DACH2: variants seen among roughly 807,000 people sequenced by gnomAD.
DACH2 encodes the protein dachshund family transcription factor 2.
A neutral mutation model predicts 35.8 loss-of-function variants in DACH2; 17 were observed. That is an observed-to-expected ratio of 0.48 (90% confidence interval 0.33 to 0.71). The LOEUF is 0.71. DACH2 is among the 30% of genes least tolerant of loss of function. The pLI is 0.02. For synonymous variants in DACH2, 195 were observed against 177.3 expected (o/e 1.10, Z -0.79); for missense variants, 469 against 472.7 (o/e 0.99, Z 0.07).
In DACH2 at chrX:86,575,194, T is replaced by C. The variant is rs931091908; in HGVS notation, c.640+60803T>C. 1.8e-5 allele frequency among the ~76,000 whole-genome samples: 2 copies of C among 111,261 alleles called. 1 individual carries two copies. Among genetic ancestry groups the C allele is most frequent in the Admixed American group, 1.9e-4 (2 of 10,417 alleles). On this transcript the variant is annotated intron_variant, in intron 3 of 11. Transcript: ENST00000373125. The stretch of plus-strand genomic sequence containing the variant: ...AGGTAAAAAAATAATCTGTGAAGAC[T>C]GATGCCAACTTTAAACTCTTTCTAT...
In DACH2 at chrX:86,148,839, G is replaced by T; in HGVS notation, c.219G>T (p.Met73Ile). 1 of 1,209,779 alleles carries T rather than the reference G, an allele frequency of 8.3e-7. No individual in the cohort carries two copies. Among genetic ancestry groups the T allele is most frequent in the Non-Finnish European group, 1.1e-6 (1 of 895,260 alleles). Residue 73 changes from methionine (M) to isoleucine (I), a missense_variant, in exon 1 of 12, where the codon ATG becomes ATT. This residue lies in a region of DACH2 where 99 missense variants were observed against 114.3 expected (regional missense o/e 0.87). Transcript: ENST00000373125. Reference protein sequence around the residue: ...TNTNECRMVDMHGMKVASFLM... With the variant: ...TNTNECRMVDIHGMKVASFLM... ...CCAACGAGTGCCGCATGGTCGACAT[G>T]CACGGGATGAAGGTGGCTTCGTTCC...
intron 3 of DACH2, among the ~76,000 whole-genome samples, chrX:86,523,789 T>A (rs1479260397): frequency 9.0e-6 from 1 of 110,971 alleles, no homozygotes. Context: ...ACCTTATATC[T>A]ACTATAGTGA....
At chrX:86,344,761 T>A (rs776472551) in intron 1 of DACH2, among the ~76,000 whole-genome samples, 1 of 111,620 alleles carries the variant, frequency 9.0e-6, no homozygotes, top group Non-Finnish European at 1.9e-5. Flanking sequence ...TTCTGCAAGA[T>A]CTTCAGGGTT....
intron 1 of DACH2, among the ~76,000 whole-genome samples, chrX:86,311,422 G>A (rs1416848308): frequency 2.7e-5 from 3 of 111,858 alleles, no homozygotes; most frequent in African/African-American, 6.5e-5. Context: ...GTCTTTTGAA[G>A]TCACAATTAC....
At chrX:86,372,284 A>T (rs2035898765) in intron 1 of DACH2, among the ~76,000 whole-genome samples, 1 of 110,928 alleles carries the variant, frequency 9.0e-6, no homozygotes, top group South Asian at 3.7e-4. Flanking sequence ...ACTTTTTTTT[A>T]AGTAGACAGA....
At chrX:86,606,230 G>A (rs2039856012) in intron 3 of DACH2, among the ~76,000 whole-genome samples, 1 of 108,545 alleles carries the variant, frequency 9.2e-6, no homozygotes, top group Non-Finnish European at 1.9e-5. Flanking sequence ...GTAATTTTGG[G>A]TTTTGCTTAC....
chrX:86,167,236 A>G (rs2030973568), intron 1 of DACH2, among the ~76,000 whole-genome samples: 1 of 111,508 alleles, frequency 9.0e-6, no homozygotes, highest in Non-Finnish European at 1.9e-5. Flanking sequence ...CAATATCATT[A>G]CTTGTTATTG....
chrX:86,488,231 A>G (rs1050732673), intron 2 of DACH2, among the ~76,000 whole-genome samples: 18 of 111,653 alleles, frequency 1.6e-4, no homozygotes, highest in Non-Finnish European at 3.0e-4. Flanking sequence ...TGTTATGGAA[A>G]GAACCATGGA....
At chrX:86,372,774 G>A (rs1361810092) in intron 1 of DACH2, among the ~76,000 whole-genome samples, 1 of 111,043 alleles carries the variant, frequency 9.0e-6, no homozygotes, top group African/African-American at 3.3e-5. Context: ...TGTCACTCAG[G>A]TAGAGAGCAT....
intron 3 of DACH2, among the ~76,000 whole-genome samples, chrX:86,537,437 T>C (rs1341508018): frequency 1.8e-5 from 2 of 111,491 alleles, no homozygotes; most frequent in Non-Finnish European, 3.8e-5. Flanking sequence ...CCTCTGGCTT[T>C]GTTCTATTTA....
intron 1 of DACH2, among the ~76,000 whole-genome samples, chrX:86,364,424 G>A (rs188354935): frequency 2.7e-5 from 3 of 111,726 alleles, no homozygotes; most frequent in Non-Finnish European, 5.7e-5. Context: ...CTAACAATGC[G>A]TAGAGGGGAA....
At chrX:86,151,793 AC>A (rs774476304) in intron 1 of DACH2, among the ~76,000 whole-genome samples, 116 of 111,625 alleles carry the variant, frequency 1.0e-3, no homozygotes, top group African/African-American at 3.6e-3. Context: ...TGACTTTTCT[AC>A]TCAGTGAAAA....
At chrX:86,156,696 A>C (rs754852499) in intron 1 of DACH2, among the ~76,000 whole-genome samples, 1 of 111,211 alleles carries the variant, frequency 9.0e-6, no homozygotes, top group East Asian at 2.8e-4. Context: ...TAAGACCATA[A>C]AATGATTATT....
intron 3 of DACH2, among the ~76,000 whole-genome samples, chrX:86,557,254 C>A (rs1828114627): frequency 9.0e-6 from 1 of 111,316 alleles, no homozygotes; most frequent in Non-Finnish European, 1.9e-5. Flanking sequence ...CTCACAGACA[C>A]ATCCAGAAAT....
chrX:86,720,839 A>G (rs191318036), intron 6 of DACH2, among the ~76,000 whole-genome samples: 42 of 112,717 alleles, frequency 3.7e-4, no homozygotes, highest in African/African-American at 1.3e-3. Context: ...TCCCTGCAGC[A>G]AACTTCTGCT....
rs187891212 is a variant in DACH2 at position 86,477,182 on chromosome X, G to A, written c.528-37097G>A. ...TTATTTGGTCTATAGTGCAGATTAA[G>A]TCTAATGATACTTTGTTGATTTTCT... On this transcript the variant is annotated intron_variant, in intron 2 of 11. Transcript: ENST00000373125. Among the ~76,000 whole-genome samples the A allele has an allele frequency of 8.0e-3, 876 of 108,923 alleles. 8 individuals carry two copies. Among genetic ancestry groups the A allele is most frequent in the African/African-American group, 0.028 (837 of 30,179 alleles). 94.6% of individuals were successfully genotyped at this position (108,923 alleles called of 115,157 possible).
At chrX:86,674,712 T>A (rs903202898) in intron 4 of DACH2, among the ~76,000 whole-genome samples, 1 of 111,981 alleles carries the variant, frequency 8.9e-6, no homozygotes, top group African/African-American at 3.2e-5. Context: ...TTTTTCTTTG[T>A]CATATCCAAA....
At chrX:86,702,133 T>C (rs2041152062) in intron 5 of DACH2, among the ~76,000 whole-genome samples, 1 of 111,999 alleles carries the variant, frequency 8.9e-6, no homozygotes, top group African/African-American at 3.2e-5. Flanking sequence ...CTCAACGCTA[T>C]AGAAGAACAT....
chrX:86,399,864 C>G (rs1370800978), intron 2 of DACH2, among the ~76,000 whole-genome samples: 1 of 110,984 alleles, frequency 9.0e-6, no homozygotes, highest in Admixed American at 9.6e-5. Context: ...GTGTCTTGGA[C>G]TTGCTGTTCT....
Sources: allele counts gnomAD v4.1 joint callset (sites outside exome capture counted in the v4.1 genomes callset), GRCh38; gene constraint gnomAD v4.1.1; regional missense constraint gnomAD v4.1.1; transcripts MANE v1.5; gene names NCBI Gene and HGNC (gene_info 2026-07-23, HGNC 2026-07-21).